Variants in PLCXD3 observed in about 807,000 individuals in gnomAD.
The protein encoded by PLCXD3 is PI-PLC X domain-containing protein 3.
Under a neutral mutation model 25.5 loss-of-function variants are expected in PLCXD3, and 19 were observed. The observed-to-expected ratio is 0.75, with a 90% CI of 0.52 to 1.09. PLCXD3 has a LOEUF of 1.09. PLCXD3 is among the 50% of genes least tolerant of loss of function. The pLI, the probability that PLCXD3 is intolerant of heterozygous loss-of-function variation, is 0.00. For missense variants in PLCXD3, 411 were observed against 388.1 expected, an observed-to-expected ratio of 1.06 and a Z score of -0.50; for synonymous variants, 174 against 137.6, an observed-to-expected ratio of 1.26 and a Z score of -1.85.
chr5:41,352,689 A>T (rs1744497932), intron 2 of PLCXD3, among the ~76,000 whole-genome samples: 1 of 152,220 alleles, frequency 6.6e-6, no homozygotes, highest in Non-Finnish European at 1.5e-5. Flanking sequence ...TCCAAGTATA[A>T]AACAAATACA....
intron 2 of PLCXD3, among the ~76,000 whole-genome samples, chr5:41,377,479 A>G (rs1043572302): frequency 6.6e-6 from 1 of 152,138 alleles, no homozygotes; most frequent in African/African-American, 2.4e-5. Context: ...CTGTAAGTTA[A>G]TAAACTTCCG....
intron 1 of PLCXD3, among the ~76,000 whole-genome samples, chr5:41,462,170 AT>A (rs1299516390): frequency 1.3e-5 from 2 of 152,142 alleles, no homozygotes; most frequent in East Asian, 3.9e-4. Context: ...ATAGTTGCAT[AT>A]AGGGTTGCTC....
rs1743106068 is a variant in PLCXD3, at chr5:41,310,387, G to A, written c.*3230C>T. Reference sequence around the variant, plus strand: ...GGTAAAAGTTAGATTGTATTTGTTTGGTTGTTTTGTTTTGTTTTGTTTTTT... The same window carrying A: ...GGTAAAAGTTAGATTGTATTTGTTTAGTTGTTTTGTTTTGTTTTGTTTTTT... On this transcript the variant is annotated 3_prime_UTR_variant, in exon 3 of 3. Transcript: ENST00000377801. 1 of 152,018 alleles carries A rather than the reference G, an allele frequency of 6.6e-6. No individual in the cohort carries two copies. Among genetic ancestry groups the A allele is most frequent in the Admixed American group, 6.6e-5 (1 of 15,252 alleles). 9.4% of individuals were successfully genotyped at this position (152,018 alleles called of 1,614,324 possible).
At chr5:41,406,858 T>C (rs1339661168) in intron 1 of PLCXD3, among the ~76,000 whole-genome samples, 1 of 152,220 alleles carries the variant, frequency 6.6e-6, no homozygotes, top group Non-Finnish European at 1.5e-5. Context: ...TACATTGGCA[T>C]TTGTTAAAAA....
chr5:41,491,745 T>C (rs901122100), intron 1 of PLCXD3, among the ~76,000 whole-genome samples: 2 of 152,142 alleles, frequency 1.3e-5, no homozygotes, highest in Admixed American at 1.3e-4. Flanking sequence ...TATCAGAGAC[T>C]AGGATTGCAA....
intron 1 of PLCXD3, among the ~76,000 whole-genome samples, chr5:41,487,157 A>C (rs1376628041): frequency 3.3e-5 from 5 of 152,228 alleles, no homozygotes; most frequent in Admixed American, 6.5e-5. Flanking sequence ...GTAGTGCCAT[A>C]ATGGCTAAAA....
At chr5:41,313,828 T>G in intron 2 of PLCXD3, 58 bp from the exon 3 acceptor site, 1 of 1,488,248 alleles carries the variant, frequency 6.7e-7, no homozygotes, top group Non-Finnish European at 9.0e-7. Flanking sequence ...TTTCAAGCTC[T>G]ACAATTCTCA....
intron 2 of PLCXD3, among the ~76,000 whole-genome samples, chr5:41,360,531 C>A (rs2150484836): frequency 6.6e-6 from 1 of 152,326 alleles, no homozygotes; most frequent in Middle Eastern, 3.4e-3. Flanking sequence ...TGTTCAGATT[C>A]TTTTATCCCA....
At chr5:41,408,630 C>T (rs1162362658) in intron 1 of PLCXD3, among the ~76,000 whole-genome samples, 1 of 152,044 alleles carries the variant, frequency 6.6e-6, no homozygotes, top group African/African-American at 2.4e-5. Context: ...TTTTAATAAA[C>T]TGTCTGAGGT....
chr5:41,509,758 C>A (rs937309321), intron 1 of PLCXD3, among the ~76,000 whole-genome samples: 4 of 152,222 alleles, frequency 2.6e-5, no homozygotes, highest in African/African-American at 9.6e-5. Flanking sequence ...GCACTTGGAC[C>A]AGACTCGAGA....
chr5:41,447,091 A>C (rs1239796488), intron 1 of PLCXD3, among the ~76,000 whole-genome samples: 2 of 152,202 alleles, frequency 1.3e-5, no homozygotes, highest in Non-Finnish European at 2.9e-5. Context: ...AGCGTCATGA[A>C]GGTTGGCTTG....
intron 2 of PLCXD3, among the ~76,000 whole-genome samples, chr5:41,380,597 T>C (rs1408474894): frequency 6.6e-6 from 1 of 152,126 alleles, no homozygotes; most frequent in Non-Finnish European, 1.5e-5. Flanking sequence ...AAGCTTTATC[T>C]CCTTTCATTC....
intron 2 of PLCXD3, among the ~76,000 whole-genome samples, chr5:41,381,016 C>T (rs1249586892): frequency 6.6e-6 from 1 of 152,084 alleles, no homozygotes; most frequent in Non-Finnish European, 1.5e-5. Flanking sequence ...GTATAAAAGG[C>T]ATAGGATATA....
chr5:41,425,142 C>T (rs10051243), intron 1 of PLCXD3, among the ~76,000 whole-genome samples: 8,758 of 152,036 alleles, frequency 0.058, 861 homozygotes, highest in African/African-American at 0.2. Flanking sequence ...TGTTATAATG[C>T]TTTTTGCATC....
At position 41,311,461 on chromosome 5, in the gene PLCXD3, G is replaced by A. The variant is rs1304831446; in HGVS notation, c.*2156C>T. 2.0e-5 allele frequency: 3 copies of A among 150,260 alleles called. No homozygotes were observed. Among genetic ancestry groups the A allele is most frequent in the Non-Finnish European group, 4.4e-5 (3 of 67,662 alleles). 9.3% of individuals were successfully genotyped at this position (150,260 alleles called of 1,614,324 possible). Reference sequence around the variant, plus strand: ...TTTTCACACAATATTAAGGGTTTCAGTCTTAAAATTAAATTATTTAATATT... The same window carrying A: ...TTTTCACACAATATTAAGGGTTTCAATCTTAAAATTAAATTATTTAATATT... On this transcript the variant is annotated 3_prime_UTR_variant, in exon 3 of 3. Transcript: ENST00000377801.
intron 1 of PLCXD3, among the ~76,000 whole-genome samples, chr5:41,508,628 T>C (rs965116046): frequency 2.0e-5 from 3 of 152,270 alleles, no homozygotes; most frequent in Non-Finnish European, 4.4e-5. Flanking sequence ...CAAAAAGATA[T>C]CATACCATCT....
chr5:41,322,929 G>A (rs1015625946), intron 2 of PLCXD3, among the ~76,000 whole-genome samples: 14 of 150,362 alleles, frequency 9.3e-5, no homozygotes, highest in Admixed American at 5.3e-4. Context: ...AGTCAAGTTC[G>A]CACCACTGCA....
At chr5:41,342,061 A>G (rs1744167580) in intron 2 of PLCXD3, among the ~76,000 whole-genome samples, 1 of 152,216 alleles carries the variant, frequency 6.6e-6, no homozygotes, top group South Asian at 2.1e-4. Flanking sequence ...AGGGATAAAT[A>G]TGGGTAACTG....
At chr5:41,373,398 G>T (rs928788645) in intron 2 of PLCXD3, among the ~76,000 whole-genome samples, 1 of 152,028 alleles carries the variant, frequency 6.6e-6, no homozygotes, top group Admixed American at 6.6e-5. Context: ...TATGAAATGT[G>T]CATGTTTACT....
Sources: allele counts gnomAD v4.1 joint callset (sites outside exome capture counted in the v4.1 genomes callset), GRCh38; gene constraint gnomAD v4.1.1; transcripts MANE v1.5; gene names NCBI Gene and HGNC (gene_info 2026-07-23, HGNC 2026-07-21).